The following PAX5 variants were observed in gnomAD, a reference collection of about 807,000 sequenced individuals.
The protein encoded by PAX5 is paired box 5.
A neutral mutation model predicts 43.7 loss-of-function variants in PAX5; 9 were observed. The ratio of observed to expected loss-of-function variants is 0.21; its 90% CI spans 0.12 to 0.36. The LOEUF (loss-of-function observed/expected upper bound fraction) is 0.36. Among genes scored for constraint, PAX5 ranks in the 10% least tolerant of loss-of-function variants. The pLI, the probability that PAX5 is intolerant of heterozygous loss-of-function variation, is 1.00. For missense variants in PAX5, 383 were observed against 532.7 expected (o/e 0.72, Z 2.77); for synonymous variants, 228 against 214.3 (o/e 1.06, Z -0.56).
chr9:36,836,350 C>A lies in PAX5; in HGVS notation c.*4210G>T, dbSNP rs533852553. ...TTTCTACCCCTGCCTTGCTGGACAC[C>A]CTGAAGCACATCTCTCACCTCTCTG... is the stretch of plus-strand genomic sequence containing the variant. On this transcript the variant is annotated 3_prime_UTR_variant, in exon 10 of 10. Coordinates refer to ENST00000358127, the MANE Select transcript of PAX5 (RefSeq NM_016734.3). 5 of 233,328 alleles carry A rather than the reference C, an allele frequency of 2.1e-5. No individual in the cohort carries two copies. The East Asian group carries it at 3.0e-4, about 14-fold the overall frequency. 14.5% of individuals were successfully genotyped at this position (233,328 alleles called of 1,614,324 possible). A position where few individuals can be genotyped will look rare whatever the true frequency, so the allele number is the denominator to read the frequency against.
chr9:36,910,907 C>A (rs771761524), intron 7 of PAX5, among the ~76,000 whole-genome samples: 29 of 152,194 alleles, frequency 1.9e-4, no homozygotes, highest in Non-Finnish European at 3.5e-4. Flanking sequence ...AACTGAGAAA[C>A]CTGCCTCATC....
intron 8 of PAX5, among the ~76,000 whole-genome samples, chr9:36,873,507 A>C (rs907880785): frequency 1.3e-5 from 2 of 152,214 alleles, no homozygotes; most frequent in Admixed American, 1.3e-4. Flanking sequence ...ACAGGTGTGC[A>C]CCCCAGAGGC....
intron 5 of PAX5, among the ~76,000 whole-genome samples, chr9:36,987,134 A>G (rs1369838998): frequency 6.6e-6 from 1 of 152,188 alleles, no homozygotes; most frequent in Non-Finnish European, 1.5e-5. Flanking sequence ...GTTGGGTTTC[A>G]AACGCCTGCG....
chr9:36,869,735 C>G (rs1434787420), intron 8 of PAX5, among the ~76,000 whole-genome samples: 1 of 152,040 alleles, frequency 6.6e-6, no homozygotes, highest in African/African-American at 2.4e-5. Flanking sequence ...CTACCTGGCA[C>G]ATGTAGATGC....
chr9:37,005,250 T>G (rs1838292876), intron 4 of PAX5, among the ~76,000 whole-genome samples: 1 of 152,254 alleles, frequency 6.6e-6, no homozygotes, highest in Admixed American at 6.5e-5. Flanking sequence ...CATCTCTGTC[T>G]TGCAAACTTC....
chr9:37,010,911 A>G (rs1479535353), intron 3 of PAX5, among the ~76,000 whole-genome samples: 1 of 152,162 alleles, frequency 6.6e-6, no homozygotes, highest in East Asian at 1.9e-4. Flanking sequence ...ACTTGAGTCC[A>G]GGAGTTCGAG....
At chr9:37,029,512 C>A (rs1840755722) in intron 1 of PAX5, among the ~76,000 whole-genome samples, 1 of 152,214 alleles carries the variant, frequency 6.6e-6, no homozygotes, top group Non-Finnish European at 1.5e-5. Context: ...CCCGCCTGTC[C>A]GGATCTTCCC....
chr9:36,834,689 T>A lies in PAX5; in HGVS notation c.*5871A>T. 4.3e-6 allele frequency: 1 copy of A among 233,316 alleles called. No homozygotes were observed. The allele number at this position is 233,316 out of a possible 1,614,324, so 14.5% of individuals were successfully genotyped here. On this transcript the variant is annotated 3_prime_UTR_variant, in exon 10 of 10. Transcript: ENST00000358127. ...CGCCATTAAATGGTTTCCTTTCTGT[T>A]CCACTCCAAGGGAAATGCGCCGTTT...
intron 9 of PAX5, among the ~76,000 whole-genome samples, chr9:36,840,992 A>C (rs377197714): frequency 6.6e-6 from 1 of 152,238 alleles, no homozygotes; most frequent in Non-Finnish European, 1.5e-5. Context: ...GATAGTTGCA[A>C]CAGAGACACT....
chr9:36,947,950 G>A (rs912141856), intron 6 of PAX5, among the ~76,000 whole-genome samples: 1 of 152,056 alleles, frequency 6.6e-6, no homozygotes, highest in Non-Finnish European at 1.5e-5. Flanking sequence ...CCTGGTGAAA[G>A]GCAGAGCCGT....
chr9:36,869,558 C>A (rs1224700682), intron 8 of PAX5, among the ~76,000 whole-genome samples: 1 of 152,228 alleles, frequency 6.6e-6, no homozygotes, highest in African/African-American at 2.4e-5. Flanking sequence ...CCCTACTGTA[C>A]AGAGATTCCA....
chr9:36,841,172 C>A (rs1409744760), intron 9 of PAX5, among the ~76,000 whole-genome samples: 6 of 152,210 alleles, frequency 3.9e-5, no homozygotes, highest in African/African-American at 1.4e-4. Context: ...CAGGGAAGGC[C>A]CCTCCTGCCC....
intron 8 of PAX5, among the ~76,000 whole-genome samples, chr9:36,867,855 C>A (rs1282857816): frequency 2.0e-5 from 3 of 152,142 alleles, no homozygotes; most frequent in Non-Finnish European, 4.4e-5. Context: ...TCAGGGTCAC[C>A]GCATGGTTTT....
chr9:36,962,524 T>C (rs1399842505), intron 6 of PAX5, among the ~76,000 whole-genome samples: 1 of 152,212 alleles, frequency 6.6e-6, no homozygotes, highest in Non-Finnish European at 1.5e-5. Flanking sequence ...GAACGGTCTT[T>C]GTGAACTGAA....
At chr9:36,933,099 G>A (rs1392438016) in intron 6 of PAX5, among the ~76,000 whole-genome samples, 1 of 145,772 alleles carries the variant, frequency 6.9e-6, no homozygotes, top group Admixed American at 7.0e-5. Flanking sequence ...AGCCAAGATC[G>A]CACCACTGCA....
intron 1 of PAX5, among the ~76,000 whole-genome samples, chr9:37,021,786 T>C (rs1264821665): frequency 6.6e-6 from 1 of 152,160 alleles, no homozygotes; most frequent in Non-Finnish European, 1.5e-5. Context: ...ATTGACCTTA[T>C]AGCTGTTAAT....
At chr9:36,889,046 A>T (rs898542038) in intron 7 of PAX5, among the ~76,000 whole-genome samples, 1 of 152,112 alleles carries the variant, frequency 6.6e-6, no homozygotes, top group Non-Finnish European at 1.5e-5. Context: ...TAACAATGGT[A>T]CTCTCTGTAA....
intron 8 of PAX5, among the ~76,000 whole-genome samples, chr9:36,866,319 G>A (rs1228045866): frequency 6.6e-6 from 1 of 152,184 alleles, no homozygotes; most frequent in Non-Finnish European, 1.5e-5. Context: ...CCCAGGAACA[G>A]AAAACAATCA....
intron 6 of PAX5, among the ~76,000 whole-genome samples, chr9:36,936,844 ACAC>A (rs1831596603): frequency 1.5e-5 from 1 of 66,150 alleles, no homozygotes; most frequent in East Asian, 5.5e-4. Context: ...ACACACACAC[ACAC>A]ATGCACACAC....
Sources: gnomAD v4.1 joint callset for allele counts (sites outside exome capture counted in the v4.1 genomes callset) on GRCh38, gnomAD v4.1.1 for gene constraint, MANE v1.5 for transcripts, NCBI Gene and HGNC (gene_info 2026-07-23, HGNC 2026-07-21) for gene names.